Variants in SLC10A7 observed in about 807,000 individuals in gnomAD.
The protein encoded by SLC10A7 is solute carrier family 10 member 7, also known as sodium/bile acid cotransporter 7.
SLC10A7 carries 29 observed loss-of-function variants against 43.2 expected under a neutral mutation model. The ratio of observed to expected loss-of-function variants is 0.67; its 90% confidence interval spans 0.50 to 0.92. SLC10A7 has a LOEUF of 0.92. Among genes scored for constraint, SLC10A7 ranks in the 40% least tolerant of loss-of-function variants. The pLI is 0.00. For missense variants in SLC10A7, 295 were observed against 403.2 expected, an observed-to-expected ratio of 0.73 and a Z score of 2.30; for synonymous variants, 152 against 144.8, an observed-to-expected ratio of 1.05 and a Z score of -0.35.
chr4:146,444,640 T>C (rs1181600511), intron 4 of SLC10A7, among the ~76,000 whole-genome samples: 1 of 152,188 alleles, frequency 6.6e-6, no homozygotes, highest in Non-Finnish European at 1.5e-5. Context: ...CCTATATTCC[T>C]GCCTCTTATA....
chr4:146,394,610 C>T (rs1738679575), intron 5 of SLC10A7, among the ~76,000 whole-genome samples: 2 of 152,150 alleles, frequency 1.3e-5, no homozygotes, highest in African/African-American at 4.8e-5. Flanking sequence ...AATTCATCCG[C>T]CTCGGCCTCC....
At chr4:146,508,449 T>G (rs898400889) in intron 3 of SLC10A7, among the ~76,000 whole-genome samples, 4 of 152,234 alleles carry the variant, frequency 2.6e-5, no homozygotes, top group Non-Finnish European at 5.9e-5. Context: ...ATTTTACACT[T>G]TTTGGTGAAA....
At chr4:146,477,297 C>A (rs543621877) in intron 4 of SLC10A7, among the ~76,000 whole-genome samples, 2 of 152,324 alleles carry the variant, frequency 1.3e-5, no homozygotes, top group East Asian at 3.9e-4. Context: ...GATTACATCT[C>A]AGGAAAAGCA....
chr4:146,412,161 A>T (rs1003568910), intron 5 of SLC10A7, among the ~76,000 whole-genome samples: 1 of 151,916 alleles, frequency 6.6e-6, no homozygotes, highest in African/African-American at 2.4e-5. Context: ...TAGCCAAAAA[A>T]AAATTACGTG....
At chr4:146,397,205 CT>C (rs1320006722) in intron 5 of SLC10A7, among the ~76,000 whole-genome samples, 1 of 152,056 alleles carries the variant, frequency 6.6e-6, no homozygotes. Context: ...TTACTTTTGA[CT>C]TTAATAAAGT....
At chr4:146,328,075 G>A (rs1733276161) in intron 5 of SLC10A7, among the ~76,000 whole-genome samples, 1 of 152,190 alleles carries the variant, frequency 6.6e-6, no homozygotes, top group Non-Finnish European at 1.5e-5. Context: ...ACCATTGGGA[G>A]GCCTCAAGAG....
At position 146,445,492 on chromosome 4, in the gene SLC10A7, G is replaced by A. The variant is rs529758085; in HGVS notation, c.397-2671C>T. ...GCTCCGTTAGCTCTGCCATCCAGGA[G>A]GGGGTGTCTGTGACCCTCGAAGCCC... On this transcript the variant is annotated intron_variant, in intron 4 of 11. Coordinates refer to ENST00000335472, the MANE Select transcript of SLC10A7 (RefSeq NM_001029998.6). 1.6e-3 allele frequency among the ~76,000 whole-genome samples: 238 copies of A among 152,274 alleles called. 7 individuals are homozygous for A. Among genetic ancestry groups the A allele is most frequent in the Admixed American group, 0.015 (235 of 15,302 alleles).
chr4:146,318,931 T>C (rs994355890), intron 6 of SLC10A7, among the ~76,000 whole-genome samples: 9 of 152,196 alleles, frequency 5.9e-5, no homozygotes, highest in Admixed American at 2.0e-4. Context: ...CTATCAGATT[T>C]ACTCAACCAC....
intron 10 of SLC10A7, among the ~76,000 whole-genome samples, chr4:146,262,128 T>C (rs931624012): frequency 1.3e-5 from 2 of 152,234 alleles, no homozygotes; most frequent in African/African-American, 4.8e-5. Context: ...TCTATTTATC[T>C]CAACCTTTTC....
intron 5 of SLC10A7, among the ~76,000 whole-genome samples, chr4:146,424,450 C>A (rs1333980932): frequency 6.6e-6 from 1 of 152,134 alleles, no homozygotes; most frequent in Non-Finnish European, 1.5e-5. Context: ...CACCTGAGGT[C>A]AGGAGTTAGA....
At chr4:146,415,076 G>A (rs1465089457) in intron 5 of SLC10A7, among the ~76,000 whole-genome samples, 2 of 152,116 alleles carry the variant, frequency 1.3e-5, no homozygotes, top group Admixed American at 1.3e-4. Flanking sequence ...AAAAACAGAA[G>A]AGGAAATCTC....
chr4:146,449,134 T>G (rs535379576), intron 4 of SLC10A7, among the ~76,000 whole-genome samples: 1 of 152,274 alleles, frequency 6.6e-6, no homozygotes, highest in South Asian at 2.1e-4. Context: ...ATACACCCTG[T>G]AAGAGTTCTT....
At position 146,486,340 on chromosome 4, in the gene SLC10A7, T is replaced by C. The variant is rs930969941; in HGVS notation, c.396+17509A>G. ...TATTTCAAAAATGTTTTGAAAATAATGTTTTGTGATTTACAAAACATGTTC... is the reference window on the plus strand; with the variant it reads ...TATTTCAAAAATGTTTTGAAAATAACGTTTTGTGATTTACAAAACATGTTC... On this transcript the variant is annotated intron_variant, in intron 4 of 11. Coordinates refer to ENST00000335472, the MANE Select transcript of SLC10A7 (RefSeq NM_001029998.6). Among the ~76,000 whole-genome samples, 5 of 152,336 alleles carry C rather than the reference T, an allele frequency of 3.3e-5. No individual in the cohort carries two copies. In the South Asian group the frequency reaches 8.3e-4, roughly 25 times the overall value.
At chr4:146,285,736 C>T (rs1475986221) in intron 9 of SLC10A7, among the ~76,000 whole-genome samples, 3 of 152,170 alleles carry the variant, frequency 2.0e-5, no homozygotes, top group Admixed American at 6.5e-5. Context: ...GGAGTTGATG[C>T]TGATGTATGC....
Position 146,274,173 on chromosome 4 carries a change from G to T in SLC10A7, c.847+9019C>A, listed in dbSNP as rs544718887. 2.8e-3 allele frequency among the ~76,000 whole-genome samples: 422 copies of T among 151,544 alleles called. 1 individual carries two copies. Among genetic ancestry groups the T allele is most frequent in the African/African-American group, 9.6e-3 (397 of 41,312 alleles). ...GTGCTAGGTATTTTGGGCACTAAATGGGTGGTTCTCTTTTGTTCAGATTAT... is the reference window on the plus strand; with the variant it reads ...GTGCTAGGTATTTTGGGCACTAAATTGGTGGTTCTCTTTTGTTCAGATTAT... On this transcript the variant is annotated intron_variant, in intron 10 of 11. Transcript: ENST00000335472.
At chr4:146,467,755 G>T (rs1443528326) in intron 4 of SLC10A7, among the ~76,000 whole-genome samples, 1 of 151,908 alleles carries the variant, frequency 6.6e-6, no homozygotes, top group African/African-American at 2.4e-5. Flanking sequence ...TAGAGATGGG[G>T]TGTTGCCATG....
intron 1 of SLC10A7, among the ~76,000 whole-genome samples, chr4:146,517,942 G>A (rs1283784523): frequency 6.6e-6 from 1 of 152,102 alleles, no homozygotes; most frequent in African/African-American, 2.4e-5. Flanking sequence ...ATAAGATAAT[G>A]CATATAAAGT....
intron 11 of SLC10A7, chr4:146,256,915 G>T: frequency 2.0e-6 from 3 of 1,536,162 alleles, no homozygotes; most frequent in Non-Finnish European, 2.6e-6. Flanking sequence ...TTAGCCAGTG[G>T]CCCCCTGGTT....
Position 146,482,260 on chromosome 4 carries a change from T to G in SLC10A7, c.396+21589A>C, listed in dbSNP as rs540886213. Among the ~76,000 whole-genome samples, 55 of 152,126 alleles carry G rather than the reference T, an allele frequency of 3.6e-4. No individual in the cohort carries two copies. In the South Asian group the frequency reaches 0.011, roughly 29 times the overall value. Reference sequence around the variant, plus strand: ...AGGAACTAAATGATTCTCTAGTAACTGATGCAACAGAAAGAGAAATTTACT... The same window carrying G: ...AGGAACTAAATGATTCTCTAGTAACGGATGCAACAGAAAGAGAAATTTACT... On this transcript the variant is annotated intron_variant, in intron 4 of 11. Transcript: ENST00000335472.
Sources: gnomAD v4.1 joint callset for allele counts (sites outside exome capture counted in the v4.1 genomes callset) on GRCh38, gnomAD v4.1.1 for gene constraint, MANE v1.5 for transcripts, NCBI Gene and HGNC (gene_info 2026-07-23, HGNC 2026-07-21) for gene names.